ABCA1: variants seen among roughly 807,000 people sequenced by gnomAD.
ABCA1 encodes ATP binding cassette subfamily A member 1.
ABCA1 carries 133 observed loss-of-function variants against 262.5 expected under a neutral mutation model. The ratio of observed to expected loss-of-function variants is 0.51; its 90% CI spans 0.44 to 0.59. ABCA1 has a LOEUF of 0.59. ABCA1 is among the 20% of genes least tolerant of loss of function. ABCA1 has a pLI of 0.00. For missense variants in ABCA1, 2,452 were observed against 2,777.5 expected (o/e 0.88, Z 2.63); for synonymous variants, 1,022 against 1,043.5 (o/e 0.98, Z 0.40).
chr9:104,788,132 A>C, intron 45 of ABCA1, 78 bp from the exon 46 acceptor site: 2 of 1,476,612 alleles, frequency 1.4e-6, no homozygotes, highest in Non-Finnish European at 1.9e-6. Context: ...CATGTATGAA[A>C]GTTCTTTCAC....
chr9:104,848,961 A>C lies in ABCA1; in HGVS notation c.721-3392T>G, dbSNP rs114089923. ...GTCACCAAGTGCAGATGTTTCTAAAAACCCCAAACCCAACATTCACCCATT... is the reference window on the plus strand; with the variant it reads ...GTCACCAAGTGCAGATGTTTCTAAACACCCCAAACCCAACATTCACCCATT... On this transcript the variant is annotated intron_variant, in intron 7 of 49. Coordinates refer to ENST00000374736, the MANE Select transcript of ABCA1 (RefSeq NM_005502.4). Among the ~76,000 whole-genome samples the C allele has an allele frequency of 9.5e-3, 1,442 of 152,204 alleles. 20 individuals are homozygous for C. Among genetic ancestry groups the C allele is most frequent in the African/African-American group, 0.033 (1,353 of 41,518 alleles).
chr9:104,915,576 T>C (rs1193752567), intron 1 of ABCA1, among the ~76,000 whole-genome samples: 1 of 152,190 alleles, frequency 6.6e-6, no homozygotes, highest in Non-Finnish European at 1.5e-5. Flanking sequence ...GAGAGGATCC[T>C]ACAAAAGGAT....
intron 1 of ABCA1, among the ~76,000 whole-genome samples, chr9:104,915,901 G>A (rs1319302979): frequency 1.3e-5 from 2 of 152,140 alleles, no homozygotes; most frequent in African/African-American, 4.8e-5. Context: ...AAAACGGAGT[G>A]CCATCTGGGG....
intron 1 of ABCA1, among the ~76,000 whole-genome samples, chr9:104,913,826 G>T (rs188898716): frequency 2.6e-5 from 4 of 151,972 alleles, no homozygotes; most frequent in East Asian, 1.9e-4. Flanking sequence ...GATGGAGTCT[G>T]GCTCTGTCGC....
chr9:104,837,121 A>C lies in ABCA1; in HGVS notation c.1195-25T>G, dbSNP rs755939075. 8 of 1,573,068 alleles carry C rather than the reference A, an allele frequency of 5.1e-6. No homozygotes were observed. The Admixed American group carries it at 1.4e-4, about 27-fold the overall frequency. ...CCTGGAGTCAGGTGGGGAGCCAGGGACCGCAGAAAAAGGAGGAGAAGCACA... is the reference window on the plus strand; with the variant it reads ...CCTGGAGTCAGGTGGGGAGCCAGGGCCCGCAGAAAAAGGAGGAGAAGCACA... On this transcript the variant is annotated intron_variant, in intron 10 of 49. Transcript: ENST00000374736.
intron 19 of ABCA1, 56 bp downstream of exon 19, chr9:104,822,440 C>G: frequency 6.2e-7 from 1 of 1,606,926 alleles, no homozygotes. Context: ...AAATTTCTAA[C>G]TCTACTGCAG....
chr9:104,874,972 C>T (rs541091837), intron 5 of ABCA1, among the ~76,000 whole-genome samples: 5 of 152,100 alleles, frequency 3.3e-5, no homozygotes, highest in South Asian at 4.1e-4. Flanking sequence ...ACCCGGCCGC[C>T]GCCCCATCTG....
chr9:104,910,767 T>C (rs1841448591), intron 1 of ABCA1, among the ~76,000 whole-genome samples: 1 of 152,164 alleles, frequency 6.6e-6, no homozygotes, highest in East Asian at 1.9e-4. Flanking sequence ...TGCAGTGGTG[T>C]GATCTCAGCT....
Position 104,829,117 on chromosome 9 carries a change from C to A in ABCA1, c.1914G>T (p.Arg638=). ...VDDIFLRVMS[R]SMPLFMTLAW... Reference sequence around the variant, plus strand: ...CCAGCGTCATGAAGAGGGGCATTGACCGGCTCATCACCCGCAGAAAGCTGG... The same window carrying A: ...CCAGCGTCATGAAGAGGGGCATTGAACGGCTCATCACCCGCAGAAAGCTGG... Residue 638 remains arginine (R), a synonymous_variant, in exon 15 of 50, where the codon CGG becomes CGT. Coordinates refer to ENST00000374736, the MANE Select transcript of ABCA1 (RefSeq NM_005502.4). The A allele has an allele frequency of 6.2e-7, 1 of 1,614,166 alleles. No homozygotes were observed. Among genetic ancestry groups the A allele is most frequent in the Non-Finnish European group, 8.5e-7 (1 of 1,180,048 alleles).
chr9:104,900,097 G>A (rs920135276), intron 2 of ABCA1, among the ~76,000 whole-genome samples: 1 of 152,188 alleles, frequency 6.6e-6, no homozygotes, highest in Non-Finnish European at 1.5e-5. Context: ...GGGGACCCAG[G>A]AGTTACCAGC....
chr9:104,855,424 C>A (rs1010911421), intron 7 of ABCA1: 1 of 268,328 alleles, frequency 3.7e-6, no homozygotes, highest in African/African-American at 2.2e-5. Context: ...TGGTCTTGAA[C>A]TCCTGGCCTC....
intron 1 of ABCA1, among the ~76,000 whole-genome samples, chr9:104,920,074 G>T (rs548028554): frequency 6.6e-6 from 1 of 152,260 alleles, no homozygotes; most frequent in South Asian, 2.1e-4. Flanking sequence ...AGCTTGAAGG[G>T]CTCTTTAAAA....
At chr9:104,791,819 CATAA>C in intron 43 of ABCA1, 113 bp downstream of exon 43, 2 of 953,056 alleles carry the variant, frequency 2.1e-6, no homozygotes, top group South Asian at 2.8e-5. Flanking sequence ...TCCATCCTGG[CATAA>C]ATACAGAAGC....
chr9:104,807,845 TACAC>T (rs60348262), intron 30 of ABCA1, among the ~76,000 whole-genome samples: 1,439 of 48,358 alleles, frequency 0.03, 27 homozygotes, highest in African/African-American at 0.061. Context: ...TATATATATA[TACAC>T]ACACACACAC....
In ABCA1 at chr9:104,810,964, A is replaced by T. The variant is rs1209391815; in HGVS notation, c.4051-40T>A. On this transcript the variant is annotated intron_variant, in intron 28 of 49. Coordinates refer to ENST00000374736, the MANE Select transcript of ABCA1 (RefSeq NM_005502.4). ...TGGAGGGGGCAGGGGGACAGCAGGA[A>T]ACGGCAAGTGTTAGAAACAAGGCCA... The T allele has an allele frequency of 3.1e-6, 5 of 1,613,498 alleles. No homozygotes were observed. In the African/African-American group the frequency reaches 6.7e-5, roughly 22 times the overall value.
intron 1 of ABCA1, among the ~76,000 whole-genome samples, chr9:104,911,144 G>A (rs1841472949): frequency 6.6e-6 from 1 of 152,234 alleles, no homozygotes; most frequent in South Asian, 2.1e-4. Context: ...CTACAAAGCA[G>A]GAGGTGGATT....
chr9:104,872,944 GATTTGATTTAGTTCAAGTAAT>G (rs1444652674), intron 5 of ABCA1, among the ~76,000 whole-genome samples: 1 of 152,210 alleles, frequency 6.6e-6, no homozygotes, highest in African/African-American at 2.4e-5. Context: ...GCTGATCTTT[GATTTGATTTAGTTCAAGTAAT>G]ATTTCAACAT....
chr9:104,880,186 C>T (rs2119163581), intron 5 of ABCA1, among the ~76,000 whole-genome samples: 1 of 152,256 alleles, frequency 6.6e-6, no homozygotes, highest in South Asian at 2.1e-4. Flanking sequence ...TTCAAGGATC[C>T]TCCCAGCCCT....
intron 7 of ABCA1, among the ~76,000 whole-genome samples, chr9:104,858,085 G>A (rs1179242621): frequency 6.6e-6 from 1 of 151,974 alleles, no homozygotes; most frequent in Non-Finnish European, 1.5e-5. Context: ...CTAATTCCAG[G>A]GCCTTCCAAC....
Sources: gnomAD v4.1 joint callset for allele counts (sites outside exome capture counted in the v4.1 genomes callset) on GRCh38, gnomAD v4.1.1 for gene constraint, MANE v1.5 for transcripts, NCBI Gene and HGNC (gene_info 2026-07-23, HGNC 2026-07-21) for gene names.